Variants in BNC2 observed in about 807,000 individuals in gnomAD.
BNC2 encodes zinc finger protein basonuclin-2.
In BNC2, 20 loss-of-function variants were observed where a neutral mutation model predicts 76.3. That is an observed-to-expected ratio of 0.26 (90% CI 0.18 to 0.38). The LOEUF (loss-of-function observed/expected upper bound fraction) is 0.38. Ranked by LOEUF, BNC2 falls within the 10% of genes least tolerant of loss-of-function variation. The probability of loss-of-function intolerance (pLI) is 1.00; values close to 1 mark genes in which losing one functional copy is unlikely to be tolerated. For missense variants in BNC2, 1,382 were observed against 1,399.8 expected, an observed-to-expected ratio of 0.99 and a Z score of 0.20; for synonymous variants, 582 against 514.8, an observed-to-expected ratio of 1.13 and a Z score of -1.77.
intron 5 of BNC2, among the ~76,000 whole-genome samples, chr9:16,445,962 T>A (rs903503454): frequency 6.6e-6 from 1 of 152,168 alleles, no homozygotes; most frequent in Non-Finnish European, 1.5e-5. Context: ...TATCCACCAT[T>A]AGTTAGAATG....
intron 5 of BNC2, among the ~76,000 whole-genome samples, chr9:16,525,026 T>C (rs555511703): frequency 1.4e-5 from 2 of 143,742 alleles, no homozygotes; most frequent in Non-Finnish European, 3.0e-5. Flanking sequence ...TGAGCTGTGA[T>C]AGCGCCACTG....
chr9:16,600,509 T>A (rs1820215911), intron 3 of BNC2, among the ~76,000 whole-genome samples: 1 of 152,224 alleles, frequency 6.6e-6, no homozygotes, highest in African/African-American at 2.4e-5. Flanking sequence ...TCCAGTCTAT[T>A]GACAAATTCA....
intron 3 of BNC2, among the ~76,000 whole-genome samples, chr9:16,600,421 T>G (rs148951150): frequency 6.6e-6 from 1 of 152,226 alleles, no homozygotes; most frequent in Non-Finnish European, 1.5e-5. Context: ...CCAGATGGTA[T>G]GTCTCCTAAA....
At position 16,813,830 on chromosome 9, in the gene BNC2, T is replaced by C. The variant is rs1247784656; in HGVS notation, c.3+56816A>G. 2.0e-5 allele frequency among the ~76,000 whole-genome samples: 3 copies of C among 152,310 alleles called. No homozygotes were observed. In the East Asian group the frequency reaches 5.8e-4, roughly 29 times the overall value. On this transcript the variant is annotated intron_variant, in intron 1 of 6. Transcript: ENST00000380672. Reference sequence around the variant, plus strand: ...TTTGTTTTTTTGTTTTTGTTTTATATATATCAAACATGTTCCCCACCCAGT... The same window carrying C: ...TTTGTTTTTTTGTTTTTGTTTTATACATATCAAACATGTTCCCCACCCAGT...
intron 1 of BNC2, among the ~76,000 whole-genome samples, chr9:16,777,995 C>T (rs2135519266): frequency 6.6e-6 from 1 of 152,206 alleles, no homozygotes; most frequent in East Asian, 1.9e-4. Flanking sequence ...CTTCCAAAGC[C>T]ACACTAACAT....
chr9:16,564,001 G>A (rs2132718800), intron 4 of BNC2, among the ~76,000 whole-genome samples: 1 of 150,418 alleles, frequency 6.6e-6, no homozygotes, highest in Admixed American at 6.6e-5. Flanking sequence ...TTTCATTGTA[G>A]GCATGCATGT....
chr9:16,523,596 G>A (rs1817692673), intron 5 of BNC2, among the ~76,000 whole-genome samples: 1 of 151,724 alleles, frequency 6.6e-6, no homozygotes, highest in Non-Finnish European at 1.5e-5. Flanking sequence ...GAGAAGAAAG[G>A]TATAAACTTT....
At chr9:16,721,379 C>T (rs1824151985) in intron 3 of BNC2, among the ~76,000 whole-genome samples, 1 of 152,120 alleles carries the variant, frequency 6.6e-6, no homozygotes, top group African/African-American at 2.4e-5. Context: ...CTTTGACTCC[C>T]TTTCTCCTGT....
intron 5 of BNC2, among the ~76,000 whole-genome samples, chr9:16,497,070 T>C (rs1425129241): frequency 1.3e-5 from 2 of 152,346 alleles, no homozygotes; most frequent in Middle Eastern, 3.4e-3. Flanking sequence ...GAGTCAGGCA[T>C]TGCCTGGCAG....
intron 2 of BNC2, 73 bp from the exon 3 acceptor site, chr9:16,728,070 G>T: frequency 1.7e-6 from 2 of 1,162,990 alleles, no homozygotes; most frequent in Non-Finnish European, 2.4e-6. Context: ...TAAGAAGCTG[G>T]CTGAACTGTG....
intron 3 of BNC2, among the ~76,000 whole-genome samples, chr9:16,725,628 A>T (rs917059303): frequency 2.6e-5 from 4 of 152,192 alleles, no homozygotes; most frequent in Non-Finnish European, 5.9e-5. Flanking sequence ...ATTAAGCATA[A>T]ATTAGTTCCC....
At chr9:16,462,080 A>C (rs963655238) in intron 5 of BNC2, among the ~76,000 whole-genome samples, 2 of 152,142 alleles carry the variant, frequency 1.3e-5, no homozygotes, top group Non-Finnish European at 2.9e-5. Context: ...TTAACATTTA[A>C]TGAGTGTCCA....
At chr9:16,464,489 T>C (rs1301133420) in intron 5 of BNC2, among the ~76,000 whole-genome samples, 1 of 152,156 alleles carries the variant, frequency 6.6e-6, no homozygotes, top group African/African-American at 2.4e-5. Context: ...ATTAAATAAC[T>C]AGCACATCAT....
intron 6 of BNC2, among the ~76,000 whole-genome samples, chr9:16,421,066 C>G (rs1447632265): frequency 6.6e-6 from 1 of 152,120 alleles, no homozygotes; most frequent in East Asian, 1.9e-4. Context: ...GTATGGAAGA[C>G]CAAAATGTGT....
At chr9:16,792,294 T>G (rs1373483565) in intron 1 of BNC2, among the ~76,000 whole-genome samples, 1 of 152,188 alleles carries the variant, frequency 6.6e-6, no homozygotes, top group East Asian at 1.9e-4. Context: ...TCCAAAAGCA[T>G]GCAACCTGTA....
chr9:16,492,442 T>C (rs1361206407), intron 5 of BNC2, among the ~76,000 whole-genome samples: 1 of 152,212 alleles, frequency 6.6e-6, no homozygotes, highest in Non-Finnish European at 1.5e-5. Flanking sequence ...AGTTTGTTTG[T>C]TTTGGTAAAG....
At chr9:16,575,221 A>G (rs1029874674) in intron 4 of BNC2, 44 of 977,918 alleles carry the variant, frequency 4.5e-5, no homozygotes, top group Non-Finnish European at 5.2e-5. Context: ...AAACAGTCTC[A>G]TTCAAGAACA....
At chr9:16,708,980 C>T (rs1164014061) in intron 3 of BNC2, among the ~76,000 whole-genome samples, 4 of 152,162 alleles carry the variant, frequency 2.6e-5, no homozygotes, top group African/African-American at 4.8e-5. Context: ...TCACCCTATA[C>T]ACTTGGATTA....
At chr9:16,746,798 T>C (rs1372675209) in intron 1 of BNC2, among the ~76,000 whole-genome samples, 1 of 151,398 alleles carries the variant, frequency 6.6e-6, no homozygotes, top group African/African-American at 2.4e-5. Flanking sequence ...CTGTCTCTAC[T>C]AAAAATACAA....
Sources: gnomAD v4.1 joint callset for allele counts (sites outside exome capture counted in the v4.1 genomes callset) on GRCh38, gnomAD v4.1.1 for gene constraint, MANE v1.5 for transcripts, NCBI Gene and HGNC (gene_info 2026-07-23, HGNC 2026-07-21) for gene names.